ZBED3: variants seen among roughly 807,000 people sequenced by gnomAD.
ZBED3 encodes the protein zinc finger BED domain-containing protein 3.
For missense variants in ZBED3, 388 were observed against 362.9 expected (o/e 1.07, Z -0.56); for synonymous variants, 175 against 180.0 (o/e 0.97, Z 0.22).
chr5:77,075,939 A>ATATATATATATATATT lies in ZBED3; in HGVS notation c.*1234_*1235insAATATATATATATATA, dbSNP rs1742967565. The ATATATATATATATATT allele has an allele frequency of 1.6e-4, 2 of 12,570 alleles. No homozygotes were observed. The highest frequency in any genetic ancestry group is 6.5e-4 in the African/African-American group (2 of 3,068). The allele number at this position is 12,570 out of a possible 1,614,324, so 0.8% of individuals were successfully genotyped here. A position where few individuals can be genotyped will look rare whatever the true frequency, so the allele number is the denominator to read the frequency against. The stretch of plus-strand genomic sequence containing the variant: ...TGCACCCTAGAACTTAAAGTATTAT[A>ATATATATATATATATT]TATACATATATATATATATATATAT... On this transcript the variant is annotated 3_prime_UTR_variant, in exon 3 of 3. Transcript: ENST00000255198.
rs1383348066 is a variant in ZBED3 at position 77,077,110 on chromosome 5, G to A, written c.*64C>T. 3 of 1,207,474 alleles carry A rather than the reference G, an allele frequency of 2.5e-6. No individual in the cohort carries two copies. Among genetic ancestry groups the A allele is most frequent in the East Asian group, 3.2e-5 (1 of 31,288 alleles). 74.8% of individuals were successfully genotyped at this position (1,207,474 alleles called of 1,614,324 possible). ...TTCGGTTACGGCTTCGGTCCCAGCG[G>A]GGTCTGAAGGCATTGGCATTGGACG... On this transcript the variant is annotated 3_prime_UTR_variant, in exon 3 of 3. Coordinates refer to ENST00000255198, the MANE Select transcript of ZBED3 (RefSeq NM_032367.4).
Position 77,077,543 on chromosome 5 carries a change from G to C in ZBED3, c.336C>G (p.Ala112=). 1 of 1,228,714 alleles carries C rather than the reference G, an allele frequency of 8.1e-7. No individual in the cohort carries two copies. Among genetic ancestry groups the C allele is most frequent in the Non-Finnish European group, 1.0e-6 (1 of 988,408 alleles). 76.1% of individuals were successfully genotyped at this position (1,228,714 alleles called of 1,614,324 possible). The change falls in exon 3 of 3, where the codon GCC becomes GCG. Residue 112 remains alanine, a synonymous_variant. Transcript: ENST00000255198. The part of the protein sequence containing the change: ...ESSGAGSSPP[A]APCPPPPGPA... ...GGCCGGGCGGCGGCGGGCAGGGCGCGGCAGGTGGGGAGCTCCCGGCGCCGC... is the reference window on the plus strand; with the variant it reads ...GGCCGGGCGGCGGCGGGCAGGGCGCCGCAGGTGGGGAGCTCCCGGCGCCGC...
At chr5:77,082,086 G>A (rs1163307504) in intron 1 of ZBED3, among the ~76,000 whole-genome samples, 1 of 152,106 alleles carries the variant, frequency 6.6e-6, no homozygotes, top group African/African-American at 2.4e-5. Context: ...GGCCAACATG[G>A]TGAAACCCTG....
At chr5:77,079,974 A>G (rs1303910566) in intron 1 of ZBED3, among the ~76,000 whole-genome samples, 1 of 152,092 alleles carries the variant, frequency 6.6e-6, no homozygotes, top group African/African-American at 2.4e-5. Context: ...ATTTCCTTCT[A>G]TATTGAATCT....
chr5:77,081,695 A>C (rs916414524), intron 1 of ZBED3, among the ~76,000 whole-genome samples: 1 of 152,160 alleles, frequency 6.6e-6, no homozygotes, highest in African/African-American at 2.4e-5. Context: ...GAAAATGAAA[A>C]GTAAGAGATC....
At chr5:77,079,168 T>C (rs919829982) in intron 1 of ZBED3, 4 of 152,210 alleles carry the variant, frequency 2.6e-5, no homozygotes, top group Admixed American at 6.5e-5. Context: ...AAATGTGTGA[T>C]TCTAGATAAA....
In ZBED3 at chr5:77,072,116, C is replaced by T. The variant is rs904855012; in HGVS notation, c.*5058G>A. 6.6e-6 allele frequency: 1 copy of T among 152,124 alleles called. No individual in the cohort carries two copies. The highest frequency in any genetic ancestry group is 2.4e-5 in the African/African-American group (1 of 41,422). The allele number at this position is 152,124 out of a possible 1,614,324, so 9.4% of individuals were successfully genotyped here. On this transcript the variant is annotated 3_prime_UTR_variant, in exon 3 of 3. Transcript: ENST00000255198. ...ATTTTAATACTGTGAAACCAGATTT[C>T]AGAGAATGTCATAATTAAGATTTTT... is the stretch of plus-strand genomic sequence containing the variant.
At position 77,076,047 on chromosome 5, in the gene ZBED3, A is replaced by G. The variant is rs1412524795; in HGVS notation, c.*1127T>C. ...TATATATATATGTATATATGTATAT[A>G]TATATATAATATATACACACATAAA... On this transcript the variant is annotated 3_prime_UTR_variant, in exon 3 of 3. Coordinates refer to ENST00000255198, the MANE Select transcript of ZBED3 (RefSeq NM_032367.4). The G allele has an allele frequency of 1.5e-5, 2 of 131,340 alleles. No individual in the cohort carries two copies. The highest frequency in any genetic ancestry group is 2.9e-5 in the African/African-American group (1 of 34,672). The allele number at this position is 131,340 out of a possible 1,614,324, so 8.1% of individuals were successfully genotyped here.
In ZBED3 at chr5:77,077,734, A is replaced by G; in HGVS notation, c.145T>C (p.Trp49Arg). 1.5e-6 allele frequency: 2 copies of G among 1,348,494 alleles called. No individual in the cohort carries two copies. The highest frequency in any genetic ancestry group is 1.5e-5 in the African/African-American group (1 of 65,402). 83.5% of individuals were successfully genotyped at this position (1,348,494 alleles called of 1,614,324 possible). ...CCCGGCGCCAGGTGGAAGTAGCCCCAGGCCTCGGAGTATGGCGCCCCCAGG... is the reference window on the plus strand; with the variant it reads ...CCCGGCGCCAGGTGGAAGTAGCCCCGGGCCTCGGAGTATGGCGCCCCCAGG... Reference protein sequence around the residue: ...GRLGAPYSEAWGYFHLAPGRP... With the variant: ...GRLGAPYSEARGYFHLAPGRP... The change falls in exon 3 of 3, where the codon TGG becomes CGG. Residue 49 changes from tryptophan to arginine, a missense_variant. Physicochemically the swap from Trp to Arg is moderately radical, Grantham distance 101. Transcript: ENST00000255198.
At chr5:77,084,711 C>G (rs1180312186) in intron 1 of ZBED3, among the ~76,000 whole-genome samples, 2 of 152,138 alleles carry the variant, frequency 1.3e-5, no homozygotes, top group Non-Finnish European at 2.9e-5. Flanking sequence ...CTTAGGGGCC[C>G]TAACACAAAA....
chr5:77,073,736 AT>A lies in ZBED3; in HGVS notation c.*3437del, dbSNP rs1742924443. On this transcript the variant is annotated 3_prime_UTR_variant, in exon 3 of 3. Transcript: ENST00000255198. ...TTTTACTCAGAATTAAAGATAAATG[AT>A]TAGTAATTACAGGAAAACTAACTTG... 1 of 152,234 alleles carries A rather than the reference AT, an allele frequency of 6.6e-6. No individual in the cohort carries two copies. Among genetic ancestry groups the A allele is most frequent in the Non-Finnish European group, 1.5e-5 (1 of 68,044 alleles). 9.4% of individuals were successfully genotyped at this position (152,234 alleles called of 1,614,324 possible).
At chr5:77,084,413 G>T (rs375123728) in intron 1 of ZBED3, among the ~76,000 whole-genome samples, 22 of 152,102 alleles carry the variant, frequency 1.4e-4, no homozygotes, top group African/African-American at 5.3e-4. Context: ...AGCCCTTTTC[G>T]CTTGACCCTC....
chr5:77,085,846 C>T (rs1743227307), intron 1 of ZBED3, among the ~76,000 whole-genome samples: 1 of 152,164 alleles, frequency 6.6e-6, no homozygotes, highest in Non-Finnish European at 1.5e-5. Flanking sequence ...AGTAAAAATG[C>T]CTCCAAACTG....
intron 2 of ZBED3, 129 bp from the exon 3 acceptor site, chr5:77,078,024 A>G (rs953539415): frequency 1.1e-5 from 7 of 626,876 alleles, no homozygotes; most frequent in Non-Finnish European, 1.6e-5. Context: ...GTGTGTAGAT[A>G]GTCTAAGTTT....
intron 1 of ZBED3, chr5:77,080,401 A>G: frequency 2.2e-6 from 1 of 447,690 alleles, no homozygotes; most frequent in South Asian, 1.7e-5. Context: ...GACCTAGTGG[A>G]AGCCTCACCT....
intron 2 of ZBED3, 39 bp from the exon 3 acceptor site, chr5:77,077,934 C>A: frequency 8.2e-7 from 1 of 1,216,846 alleles, no homozygotes; most frequent in South Asian, 3.8e-5. Context: ...GTGTTAGGAT[C>A]ACGCACACAG....
At position 77,073,786 on chromosome 5, in the gene ZBED3, G is replaced by C. The variant is rs190924465; in HGVS notation, c.*3388C>G. 1 of 152,302 alleles carries C rather than the reference G, an allele frequency of 6.6e-6. No individual in the cohort carries two copies. The highest frequency in any genetic ancestry group is 2.4e-5 in the African/African-American group (1 of 41,560). 9.4% of individuals were successfully genotyped at this position (152,302 alleles called of 1,614,324 possible). A position where few individuals can be genotyped will look rare whatever the true frequency, so the allele number is the denominator to read the frequency against. ...TGTAAAAATCTTAAAGACATTGAAT[G>C]GGTTAATGTACTGAGCAGCTACGGA... is the stretch of plus-strand genomic sequence containing the variant. On this transcript the variant is annotated 3_prime_UTR_variant, in exon 3 of 3. Transcript: ENST00000255198.
intron 1 of ZBED3, among the ~76,000 whole-genome samples, chr5:77,083,317 G>A (rs996064992): frequency 2.6e-5 from 4 of 152,138 alleles, no homozygotes; most frequent in Non-Finnish European, 5.9e-5. Flanking sequence ...ATTGTCACGT[G>A]GTTTGCTGTG....
chr5:77,075,973 GTATATATGTATATATA>G lies in ZBED3; in HGVS notation c.*1185_*1200del, dbSNP rs1265080029. On this transcript the variant is annotated 3_prime_UTR_variant, in exon 3 of 3. Coordinates refer to ENST00000255198, the MANE Select transcript of ZBED3 (RefSeq NM_032367.4). ...TATATATATATATATATATGTATATGTATATATGTATATATATATGTATATATGTATATATATATGT... is the reference window on the plus strand; with the variant it reads ...TATATATATATATATATATGTATATGTATGTATATATGTATATATATATGT... 0.085 allele frequency: 1,695 copies of G among 19,930 alleles called. 503 individuals are homozygous for G. The highest frequency in any genetic ancestry group is 0.29 in the African/African-American group (1,620 of 5,502). The allele number at this position is 19,930 out of a possible 1,614,324, so 1.2% of individuals were successfully genotyped here.
Sources: allele counts gnomAD v4.1 joint callset (sites outside exome capture counted in the v4.1 genomes callset), GRCh38; gene constraint gnomAD v4.1.1; transcripts MANE v1.5; gene names NCBI Gene and HGNC (gene_info 2026-07-23, HGNC 2026-07-21).